Variants in LAMA2 observed in about 807,000 individuals in gnomAD.
LAMA2 encodes laminin subunit alpha-2.
In LAMA2, 269 loss-of-function variants were observed where a neutral mutation model predicts 364.8. That is an observed-to-expected ratio of 0.74 (90% CI 0.67 to 0.82). LAMA2 has a LOEUF of 0.82. Ranked by LOEUF, LAMA2 falls within the 40% of genes least tolerant of loss-of-function variation. The pLI is 0.00. For synonymous variants in LAMA2, 1,379 were observed against 1,370.6 expected, an observed-to-expected ratio of 1.01 and a Z score of -0.14; for missense variants, 3,807 against 3,873.2, an observed-to-expected ratio of 0.98 and a Z score of 0.45.
intron 12 of LAMA2, among the ~76,000 whole-genome samples, chr6:129,199,873 G>T (rs1782076210): frequency 6.6e-6 from 1 of 151,988 alleles, no homozygotes; most frequent in African/African-American, 2.4e-5. Flanking sequence ...GAGGTCAGAA[G>T]TTCGAGACCA....
intron 1 of LAMA2, among the ~76,000 whole-genome samples, chr6:128,910,001 G>C (rs1425853018): frequency 1.3e-5 from 2 of 152,036 alleles, no homozygotes; most frequent in South Asian, 4.1e-4. Context: ...TCTGCCGAGA[G>C]ATCTGCTGTT....
chr6:129,059,914 T>C lies in LAMA2; in HGVS notation c.396+18T>C. ...TACAGCAGGTATAGTTCCTCTTTTT[T>C]TGTCATTTCCACTTTTGAAATTGCA... On this transcript the variant is annotated intron_variant, in intron 3 of 64. Coordinates refer to ENST00000421865, the MANE Select transcript of LAMA2 (RefSeq NM_000426.4). 4.4e-6 allele frequency: 6 copies of C among 1,366,848 alleles called. No individual in the cohort carries two copies. Among genetic ancestry groups the C allele is most frequent in the Non-Finnish European group, 6.3e-6 (6 of 954,198 alleles). 84.7% of individuals were successfully genotyped at this position (1,366,848 alleles called of 1,614,324 possible).
intron 10 of LAMA2, among the ~76,000 whole-genome samples, chr6:129,185,312 C>T (rs375116028): frequency 6.6e-6 from 1 of 151,662 alleles, no homozygotes; most frequent in East Asian, 1.9e-4. Flanking sequence ...ACTGAGGAAA[C>T]TATAGCAAAA....
At chr6:129,490,964 G>A (rs1050813584) in intron 56 of LAMA2, 3 of 152,008 alleles carry the variant, frequency 2.0e-5, no homozygotes, top group Admixed American at 2.0e-4. Context: ...CTTTACCCTG[G>A]CTTATTGTTT....
intron 18 of LAMA2, among the ~76,000 whole-genome samples, chr6:129,281,209 TTG>T (rs373823080): frequency 6.6e-6 from 1 of 152,022 alleles, no homozygotes; most frequent in Non-Finnish European, 1.5e-5. Flanking sequence ...ATATCTTTAA[TTG>T]TGTGTGTGTG....
At chr6:128,920,687 A>G (rs1380669992) in intron 1 of LAMA2, among the ~76,000 whole-genome samples, 1 of 151,410 alleles carries the variant, frequency 6.6e-6, no homozygotes, top group African/African-American at 2.4e-5. Flanking sequence ...TATATATTAT[A>G]TATACATGTG....
At chr6:129,104,902 T>C (rs7764165) in intron 4 of LAMA2, among the ~76,000 whole-genome samples, 150,064 of 152,218 alleles carry the variant, frequency 0.99, 74,003 homozygotes, top group Middle Eastern at 1. Flanking sequence ...AAGAGAAGCT[T>C]ATTCTGAGCT....
chr6:129,173,401 GCTTA>G (rs993202499), intron 9 of LAMA2, among the ~76,000 whole-genome samples: 4 of 152,086 alleles, frequency 2.6e-5, no homozygotes, highest in African/African-American at 4.8e-5. Context: ...GTTCAAGAGA[GCTTA>G]CATGTCTATT....
chr6:129,367,464 A>G (rs1777840473), intron 33 of LAMA2, among the ~76,000 whole-genome samples: 2 of 152,254 alleles, frequency 1.3e-5, no homozygotes, highest in African/African-American at 4.8e-5. Flanking sequence ...ACATTAGCGC[A>G]CAGAGACTGG....
chr6:129,277,956 C>A (rs1033681123), intron 17 of LAMA2, among the ~76,000 whole-genome samples: 1 of 152,122 alleles, frequency 6.6e-6, no homozygotes, highest in African/African-American at 2.4e-5. Flanking sequence ...AATCCTAGCA[C>A]TTTGGGAGGC....
At chr6:128,943,292 A>G (rs1780279054) in intron 1 of LAMA2, among the ~76,000 whole-genome samples, 1 of 151,652 alleles carries the variant, frequency 6.6e-6, no homozygotes, top group Non-Finnish European at 1.5e-5. Context: ...AGAGAGAGAG[A>G]GAGAGAGAGA....
intron 34 of LAMA2, 113 bp from the exon 35 acceptor site, chr6:129,383,009 G>A (rs759749717): frequency 5.1e-5 from 40 of 789,530 alleles, no homozygotes; most frequent in Non-Finnish European, 7.5e-5. Context: ...ATAATTCATC[G>A]ATTGCCGTTG....
chr6:129,460,066 A>G lies in LAMA2; in HGVS notation c.6868-134A>G. 4 of 834,866 alleles carry G rather than the reference A, an allele frequency of 4.8e-6. No individual in the cohort carries two copies. In the Admixed American group the frequency reaches 5.4e-5, roughly 11 times the overall value. 51.7% of individuals were successfully genotyped at this position (834,866 alleles called of 1,614,324 possible). On this transcript the variant is annotated intron_variant, in intron 48 of 64. Coordinates refer to ENST00000421865, the MANE Select transcript of LAMA2 (RefSeq NM_000426.4). ...GACAGACTATGATGAAAAGATGAAT[A>G]TGTACATATGCCAAAATATCAGAAA...
chr6:128,955,629 C>T (rs1413119066), intron 1 of LAMA2, among the ~76,000 whole-genome samples: 2 of 151,778 alleles, frequency 1.3e-5, no homozygotes, highest in African/African-American at 2.4e-5. Flanking sequence ...CAGTTATGGG[C>T]GTTTGGATAC....
At chr6:129,375,515 G>A (rs1778322558) in intron 34 of LAMA2, among the ~76,000 whole-genome samples, 1 of 152,110 alleles carries the variant, frequency 6.6e-6, no homozygotes, top group Non-Finnish European at 1.5e-5. Context: ...TAAATCCACT[G>A]GATACTTATT....
intron 1 of LAMA2, among the ~76,000 whole-genome samples, chr6:128,935,635 T>C (rs1411525180): frequency 6.6e-6 from 1 of 152,212 alleles, no homozygotes; most frequent in Non-Finnish European, 1.5e-5. Context: ...CATATGTTGA[T>C]TTCATATCCT....
Position 129,129,938 on chromosome 6 carries a change from A to T in LAMA2, c.640-13963A>T, listed in dbSNP as rs562336851. On this transcript the variant is annotated intron_variant, in intron 4 of 64. Transcript: ENST00000421865. ...GATTCCGTCTCAAAAAAAAAAAAAA[A>T]AAAAATAACATATTTTAGAGACTCA... Among the ~76,000 whole-genome samples, 149 of 151,932 alleles carry T rather than the reference A, an allele frequency of 9.8e-4. 1 individual carries two copies. Among genetic ancestry groups the T allele is most frequent in the Non-Finnish European group, 1.6e-3 (110 of 67,966 alleles).
intron 40 of LAMA2, among the ~76,000 whole-genome samples, chr6:129,425,302 G>T (rs1384602169): frequency 1.3e-5 from 2 of 151,904 alleles, no homozygotes; most frequent in Non-Finnish European, 2.9e-5. Flanking sequence ...GTCATCTCTG[G>T]TCATAGTCCC....
At position 129,027,608 on chromosome 6, in the gene LAMA2, A is replaced by G. The variant is rs61059083; in HGVS notation, c.113-22310A>G. ...TGGTAACTTGTGTTTTTTAATGTTAAAGATATGGGCCAAATGATAAAGAAC... is the reference window on the plus strand; with the variant it reads ...TGGTAACTTGTGTTTTTTAATGTTAGAGATATGGGCCAAATGATAAAGAAC... On this transcript the variant is annotated intron_variant, in intron 1 of 64. Coordinates refer to ENST00000421865, the MANE Select transcript of LAMA2 (RefSeq NM_000426.4). 6.2e-3 allele frequency among the ~76,000 whole-genome samples: 946 copies of G among 152,088 alleles called. 10 individuals carry two copies. The highest frequency in any genetic ancestry group is 0.021 in the African/African-American group (888 of 41,560).
Sources: gnomAD v4.1 joint callset for allele counts (sites outside exome capture counted in the v4.1 genomes callset) on GRCh38, gnomAD v4.1.1 for gene constraint, MANE v1.5 for transcripts, NCBI Gene and HGNC (gene_info 2026-07-23, HGNC 2026-07-21) for gene names.